NIT2: variants seen among roughly 807,000 people sequenced by gnomAD.
NIT2 encodes omega-amidase NIT2.
Under a neutral mutation model 42.7 loss-of-function variants are expected in NIT2, and 46 were observed. That is an observed-to-expected ratio of 1.08 (90% confidence interval 0.85 to 1.38). The LOEUF is 1.38. NIT2 is among the 40% of genes most tolerant of loss of function. The probability of loss-of-function intolerance (pLI) is 0.00; values close to 1 mark genes in which losing one functional copy is unlikely to be tolerated. For synonymous variants in NIT2, 123 were observed against 121.9 expected, an observed-to-expected ratio of 1.01 and a Z score of -0.06; for missense variants, 309 against 342.5, an observed-to-expected ratio of 0.90 and a Z score of 0.77.
intron 7 of NIT2, chr3:100,350,016 A>T (rs565873955): frequency 1.3e-5 from 2 of 152,224 alleles, no homozygotes; most frequent in East Asian, 3.9e-4. Context: ...AGGTTGGTGA[A>T]TTTTTGTGTA....
At chr3:100,347,941 A>G (rs1425872729) in intron 6 of NIT2, among the ~76,000 whole-genome samples, 1 of 151,440 alleles carries the variant, frequency 6.6e-6, no homozygotes, top group Non-Finnish European at 1.5e-5. Flanking sequence ...CCCAGGCTGG[A>G]GTGCAGTGGT....
At position 100,359,007 on chromosome 3, in the gene NIT2, T is replaced by A. The variant is rs547451859; in HGVS notation, c.*3739T>A. ...CACCTGTGTGTGACAGTTTCACATT[T>A]CCTATCAAATTATTATCTTCATTCA... On this transcript the variant is annotated 3_prime_UTR_variant, in exon 10 of 10. Coordinates refer to ENST00000394140, the MANE Select transcript of NIT2 (RefSeq NM_020202.5). The A allele has an allele frequency of 1.3e-5, 2 of 152,320 alleles. No homozygotes were observed. Among genetic ancestry groups the A allele is most frequent in the African/African-American group, 4.8e-5 (2 of 41,582 alleles). 9.4% of individuals were successfully genotyped at this position (152,320 alleles called of 1,614,324 possible).
chr3:100,337,183 T>C (rs879952127), intron 1 of NIT2, among the ~76,000 whole-genome samples: 1 of 152,230 alleles, frequency 6.6e-6, no homozygotes, highest in Non-Finnish European at 1.5e-5. Context: ...TTTAACAGCA[T>C]CTCAAGGCAG....
Position 100,348,878 on chromosome 3 carries a change from G to A in NIT2, c.581G>A (p.Ser194Asn), listed in dbSNP as rs1399808475. ...GCCCATTGGGAGTTACTTCAGCGAA[G>A]CCGGTAAGAAAGGAACCATATATTC... Reference protein sequence around the residue: ...GPAHWELLQRSRAVDNQVYVA... With the variant: ...GPAHWELLQRNRAVDNQVYVA... Residue 194 changes from serine (S) to asparagine (N), a missense_variant, in exon 7 of 10, where the codon AGC becomes AAC. Coordinates refer to ENST00000394140, the MANE Select transcript of NIT2 (RefSeq NM_020202.5). 6.2e-7 allele frequency: 1 copy of A among 1,613,534 alleles called. No homozygotes were observed. The highest frequency in any genetic ancestry group is 8.5e-7 in the Non-Finnish European group (1 of 1,179,628).
intron 6 of NIT2, among the ~76,000 whole-genome samples, chr3:100,347,348 G>A (rs1025042720): frequency 6.6e-6 from 1 of 152,076 alleles, no homozygotes; most frequent in African/African-American, 2.4e-5. Flanking sequence ...TACCCGCCTC[G>A]GCCTCCCAAA....
intron 7 of NIT2, among the ~76,000 whole-genome samples, chr3:100,350,386 G>A (rs717448): frequency 6.6e-6 from 1 of 152,210 alleles, no homozygotes; most frequent in Admixed American, 6.5e-5. Flanking sequence ...ATTTGAGGTG[G>A]TGGGACTGCC....
chr3:100,334,863 CG>C (rs1706049111), intron 1 of NIT2, 65 bp downstream of exon 1: 3 of 1,272,566 alleles, frequency 2.4e-6, no homozygotes, highest in Non-Finnish European at 3.0e-6. Flanking sequence ...GGAGCGGCGC[CG>C]GCGGTGGCTC....
At chr3:100,339,620 C>T (rs988372511) in intron 2 of NIT2, among the ~76,000 whole-genome samples, 195 bp from the exon 3 acceptor site, 1 of 152,092 alleles carries the variant, frequency 6.6e-6, no homozygotes, top group African/African-American at 2.4e-5. Flanking sequence ...TCCTCCAACC[C>T]ACTAGGCTAG....
intron 6 of NIT2, among the ~76,000 whole-genome samples, chr3:100,346,547 A>T (rs539438163): frequency 7.2e-5 from 11 of 152,274 alleles, no homozygotes; most frequent in Admixed American, 2.0e-4. Flanking sequence ...AGCCCAGTAG[A>T]AATGAAGTGG....
chr3:100,344,914 C>T (rs1706196479), intron 4 of NIT2, among the ~76,000 whole-genome samples: 1 of 147,978 alleles, frequency 6.8e-6, no homozygotes, highest in Non-Finnish European at 1.5e-5. Flanking sequence ...CTTTCCACCT[C>T]TCCTGTCAAT....
At chr3:100,339,233 T>C (rs1243362987) in intron 2 of NIT2, 28 bp downstream of exon 2, 6 of 1,387,794 alleles carry the variant, frequency 4.3e-6, no homozygotes, top group Non-Finnish European at 6.2e-6. Flanking sequence ...CATTCTGTTC[T>C]AGCCACTGTA....
intron 1 of NIT2, among the ~76,000 whole-genome samples, chr3:100,338,878 C>G (rs1706109189): frequency 6.6e-6 from 1 of 151,992 alleles, no homozygotes; most frequent in Non-Finnish European, 1.5e-5. Flanking sequence ...AGGGGGTTGT[C>G]CTATGCATTG....
At chr3:100,353,575 T>C (rs1348446657) in intron 8 of NIT2, among the ~76,000 whole-genome samples, 1 of 152,168 alleles carries the variant, frequency 6.6e-6, no homozygotes, top group Non-Finnish European at 1.5e-5. Context: ...TGGGGAAGAA[T>C]CAGAAAAGAA....
chr3:100,336,321 C>A (rs1303978617), intron 1 of NIT2, among the ~76,000 whole-genome samples: 1 of 152,134 alleles, frequency 6.6e-6, no homozygotes, highest in Non-Finnish European at 1.5e-5. Flanking sequence ...CAGGCCATTA[C>A]TAATTGAAGG....
At chr3:100,344,566 A>G (rs1026646160) in intron 4 of NIT2, among the ~76,000 whole-genome samples, 72 of 152,104 alleles carry the variant, frequency 4.7e-4, no homozygotes, top group African/African-American at 1.7e-3. Context: ...TTCTTTTTAT[A>G]GTTTTTTGGG....
Position 100,355,314 on chromosome 3 carries a change from C to A in NIT2, c.*46C>A, listed in dbSNP as rs1358947035. 1.5e-6 allele frequency: 2 copies of A among 1,320,820 alleles called. No homozygotes were observed. Among genetic ancestry groups the A allele is most frequent in the Admixed American group, 2.0e-5 (1 of 50,404 alleles). 81.8% of individuals were successfully genotyped at this position (1,320,820 alleles called of 1,614,324 possible). On this transcript the variant is annotated 3_prime_UTR_variant, in exon 10 of 10. Transcript: ENST00000394140. ...CACAGAATAGGACGATATGATTCTA[C>A]AACATAATCAACTCCCTATTAAATT...
chr3:100,343,424 A>G (rs1344132096), intron 4 of NIT2, among the ~76,000 whole-genome samples: 1 of 151,858 alleles, frequency 6.6e-6, no homozygotes, highest in East Asian at 1.9e-4. Flanking sequence ...TACAGATTAG[A>G]TAATTTCTGT....
chr3:100,341,239 T>G, intron 4 of NIT2, 78 bp downstream of exon 4: 4 of 940,682 alleles, frequency 4.3e-6, no homozygotes, highest in Non-Finnish European at 7.0e-6. Flanking sequence ...TGCTATGAAG[T>G]TCCCTAGTCC....
At chr3:100,354,926 T>C in intron 9 of NIT2, 99 bp downstream of exon 9, 1 of 995,976 alleles carries the variant, frequency 1.0e-6, no homozygotes, top group Non-Finnish European at 1.5e-6. Flanking sequence ...AGGGGTTCCT[T>C]TATGCCCCTT....
Sources: allele counts gnomAD v4.1 joint callset (sites outside exome capture counted in the v4.1 genomes callset), GRCh38; gene constraint gnomAD v4.1.1; transcripts MANE v1.5; gene names NCBI Gene and HGNC (gene_info 2026-07-23, HGNC 2026-07-21).